Variants in MID1 observed in about 807,000 individuals in gnomAD.
MID1 encodes midline 1.
Under a neutral mutation model 40.4 loss-of-function variants are expected in MID1, and 7 were observed. The observed-to-expected ratio is 0.17, with a 90% CI of 0.10 to 0.33. The LOEUF (loss-of-function observed/expected upper bound fraction) is 0.33. MID1 is among the 10% of genes least tolerant of loss of function. The pLI, the probability that MID1 is intolerant of heterozygous loss-of-function variation, is 1.00. For missense variants in MID1, 367 were observed against 558.5 expected (o/e 0.66, Z 3.46); for synonymous variants, 229 against 221.2 (o/e 1.04, Z -0.31).
intron 1 of MID1, among the ~76,000 whole-genome samples, chrX:10,683,213 T>C (rs1402039745): frequency 9.0e-6 from 1 of 111,483 alleles, no homozygotes. Flanking sequence ...AAATAAAAAG[T>C]TTCACTTCAA....
intron 4 of MID1, among the ~76,000 whole-genome samples, chrX:10,487,432 T>C (rs1930677934): frequency 8.9e-6 from 1 of 112,254 alleles, no homozygotes; most frequent in South Asian, 3.7e-4. Flanking sequence ...TTCTGAAGAC[T>C]TTTTCATTAT....
chrX:10,817,525 TTTCTTTC>T (rs1291279009), intron 1 of MID1, among the ~76,000 whole-genome samples: 1 of 84,071 alleles, frequency 1.2e-5, no homozygotes, highest in Non-Finnish European at 2.4e-5. Flanking sequence ...TCTTTCTTTC[TTTCTTTC>T]TTTCTTTCTT....
At chrX:10,581,475 G>T (rs1212952276) in intron 1 of MID1, among the ~76,000 whole-genome samples, 2 of 111,321 alleles carry the variant, frequency 1.8e-5, no homozygotes, top group East Asian at 5.7e-4. Context: ...GATTAGTGAG[G>T]TGAACTTTTT....
intron 1 of MID1, among the ~76,000 whole-genome samples, chrX:10,780,315 T>G (rs1212244477): frequency 9.0e-6 from 1 of 111,506 alleles, no homozygotes; most frequent in Non-Finnish European, 1.9e-5. Context: ...CAGCTCCTAA[T>G]AGTCTTTCAA....
At chrX:10,746,532 T>C (rs2043558000) in intron 1 of MID1, among the ~76,000 whole-genome samples, 1 of 112,030 alleles carries the variant, frequency 8.9e-6, no homozygotes, top group Non-Finnish European at 1.9e-5. Context: ...TTCCTGAGTT[T>C]AGGAGTCTTT....
chrX:10,745,990 C>A (rs906108950), intron 1 of MID1, among the ~76,000 whole-genome samples: 1 of 111,888 alleles, frequency 8.9e-6, no homozygotes, highest in Non-Finnish European at 1.9e-5. Flanking sequence ...GAGACGAGAA[C>A]TAAGAGAGCA....
rs953211025 is a variant in MID1, at chrX:10,475,341, C to T, written c.1014-591G>A. Reference sequence around the variant, plus strand: ...CTTTCTCTTTGTATTCATTTTCTTGCACCATATTCCCAGCAGATGCTGTGG... The same window carrying T: ...CTTTCTCTTTGTATTCATTTTCTTGTACCATATTCCCAGCAGATGCTGTGG... On this transcript the variant is annotated intron_variant, in intron 5 of 9. Transcript: ENST00000317552. 2.2e-5 allele frequency: 6 copies of T among 277,507 alleles called. No individual in the cohort carries two copies. In the Admixed American group the frequency reaches 2.4e-4, roughly 11 times the overall value. 22.9% of individuals were successfully genotyped at this position (277,507 alleles called of 1,213,427 possible). A position where few individuals can be genotyped will look rare whatever the true frequency, so the allele number is the denominator to read the frequency against.
rs111606462 is a variant in MID1 at position 10,567,834 on chromosome X, AT to A, written c.-56-232del. ...AAAGTTCAGTAACTGAAAATGTGCA[AT>A]TTTTTTTTTCAATTTTGTTTTTTAA... On this transcript the variant is annotated intron_variant, in intron 1 of 9. Coordinates refer to ENST00000317552, the MANE Select transcript of MID1 (RefSeq NM_000381.4). Among the ~76,000 whole-genome samples the A allele has an allele frequency of 0.15, 15,953 of 108,901 alleles. 2,271 individuals are homozygous for A. Among genetic ancestry groups the A allele is most frequent in the African/African-American group, 0.43 (12,956 of 29,799 alleles). 94.6% of individuals were successfully genotyped at this position (108,901 alleles called of 115,157 possible). A position where few individuals can be genotyped will look rare whatever the true frequency, so the allele number is the denominator to read the frequency against.
intron 5 of MID1, among the ~76,000 whole-genome samples, chrX:10,478,624 T>C (rs756504379): frequency 8.9e-6 from 1 of 112,245 alleles, no homozygotes; most frequent in Admixed American, 9.5e-5. Flanking sequence ...CTATAATTAC[T>C]AAGCAATTAG....
chrX:10,587,642 G>T (rs1187758386), intron 1 of MID1, among the ~76,000 whole-genome samples: 1 of 112,608 alleles, frequency 8.9e-6, no homozygotes, highest in Admixed American at 9.3e-5. Flanking sequence ...TTTGTTTAAC[G>T]TGCACATGGA....
intron 1 of MID1, among the ~76,000 whole-genome samples, chrX:10,639,328 C>A (rs770974065): frequency 2.7e-4 from 30 of 111,817 alleles, no homozygotes; most frequent in African/African-American, 9.1e-4. Context: ...AATGACCTGA[C>A]TGAGCTGAAA....
chrX:10,515,503 A>G (rs1932355587), intron 3 of MID1, among the ~76,000 whole-genome samples: 1 of 112,616 alleles, frequency 8.9e-6, no homozygotes, highest in African/African-American at 3.2e-5. Flanking sequence ...TTCCATTAAA[A>G]TAAAACAACA....
intron 1 of MID1, among the ~76,000 whole-genome samples, chrX:10,824,322 GAT>G (rs1199553262): frequency 8.9e-6 from 1 of 112,127 alleles, no homozygotes; most frequent in Non-Finnish European, 1.9e-5. Flanking sequence ...TGTAATGTTT[GAT>G]ATGTTTTCTC....
intron 1 of MID1, among the ~76,000 whole-genome samples, chrX:10,609,624 A>ATTC (rs1375405360): frequency 2.7e-5 from 3 of 109,259 alleles, no homozygotes; most frequent in Non-Finnish European, 5.7e-5. Flanking sequence ...GCCGGGAGTG[A>ATTC]TTCTCTTACT....
intron 3 of MID1, among the ~76,000 whole-genome samples, chrX:10,512,338 T>G (rs1264464773): frequency 8.9e-6 from 1 of 112,416 alleles, no homozygotes; most frequent in Admixed American, 9.4e-5. Context: ...AATCTAACTT[T>G]CTAATCACCT....
At chrX:10,561,591 T>C (rs1934340626) in intron 2 of MID1, among the ~76,000 whole-genome samples, 1 of 107,118 alleles carries the variant, frequency 9.3e-6, no homozygotes, top group South Asian at 3.7e-4. Context: ...AAGAAGACAT[T>C]TATGCAGCCA....
At chrX:10,459,980 T>C in intron 7 of MID1, 173 bp from the exon 8 acceptor site, 1 of 522,789 alleles carries the variant, frequency 1.9e-6, no homozygotes, top group Non-Finnish European at 3.3e-6. Context: ...GCAGATTGCA[T>C]TTTTGCCTCC....
chrX:10,573,052 TAC>T (rs1311148831), intron 1 of MID1, among the ~76,000 whole-genome samples: 1 of 112,556 alleles, frequency 8.9e-6, no homozygotes, highest in Non-Finnish European at 1.9e-5. Flanking sequence ...AGTGACAGAT[TAC>T]AGTGAAGCCC....
At chrX:10,728,018 G>A (rs752746212) in intron 1 of MID1, among the ~76,000 whole-genome samples, 5 of 112,391 alleles carry the variant, frequency 4.4e-5, no homozygotes, top group African/African-American at 9.7e-5. Flanking sequence ...AGCACAAAAT[G>A]TAATTTGTAT....
Sources: allele counts gnomAD v4.1 joint callset (sites outside exome capture counted in the v4.1 genomes callset), GRCh38; gene constraint gnomAD v4.1.1; transcripts MANE v1.5; gene names NCBI Gene and HGNC (gene_info 2026-07-23, HGNC 2026-07-21).